NEURL4: variants seen among roughly 807,000 people sequenced by gnomAD.
The protein encoded by NEURL4 is neuralized E3 ubiquitin protein ligase 4, also known as neuralized-like protein 4.
A neutral mutation model predicts 148.0 loss-of-function variants in NEURL4; 45 were observed. The ratio of observed to expected loss-of-function variants is 0.30; its 90% CI spans 0.24 to 0.39. The LOEUF is 0.39. Ranked by LOEUF, NEURL4 falls within the 10% of genes least tolerant of loss-of-function variation. The pLI is 1.00. For missense variants in NEURL4, 1,776 were observed against 2,144.0 expected, an observed-to-expected ratio of 0.83 and a Z score of 3.39; for synonymous variants, 854 against 869.0, an observed-to-expected ratio of 0.98 and a Z score of 0.30.
Position 7,321,696 on chromosome 17 carries a change from C to T in NEURL4, c.2963G>A (p.Gly988Asp). 6.2e-7 allele frequency: 1 copy of T among 1,613,780 alleles called. No individual in the cohort carries two copies. Among genetic ancestry groups the T allele is most frequent in the African/African-American group, 1.3e-5 (1 of 75,066 alleles). ...AGGAGGCAGCCCTGGGCCACCACCG[C>T]CTGCCCCGGGTCCCATCTCCCCCGG... ...LAPGEMGPGA[G>D]GGGPGLPPSL... Residue 988 changes from glycine (G) to aspartate (D), a missense_variant, in exon 18 of 29, where the codon GGC (glycine) becomes GAC (aspartate). Transcript: ENST00000399464. This position sits in a 1 kb window ranked among gnomAD's most constrained non-coding sequence, Gnocchi z 6.3.
At position 7,321,706 on chromosome 17, in the gene NEURL4, G is replaced by T. The variant is rs2073036506; in HGVS notation, c.2953C>A (p.Pro985Thr). 12 of 1,613,698 alleles carry T rather than the reference G, an allele frequency of 7.4e-6. No individual in the cohort carries two copies. Among genetic ancestry groups the T allele is most frequent in the Non-Finnish European group, 1.0e-5 (12 of 1,180,034 alleles). ...LTTLAPGEMGPGAGGGGPGLP... is the reference protein window; with the variant it reads ...LTTLAPGEMGTGAGGGGPGLP... The stretch of plus-strand genomic sequence containing the variant: ...CCTGGGCCACCACCGCCTGCCCCGG[G>T]TCCCATCTCCCCCGGTGCTAGTGTG... Residue 985 changes from proline (P) to threonine (T), a missense_variant, in exon 18 of 29, where the codon CCC becomes ACC. Pro to Thr is a conservative substitution (Grantham distance 38). Coordinates refer to ENST00000399464, the MANE Select transcript of NEURL4 (RefSeq NM_032442.3). The surrounding 1 kb of genome is among the most constrained non-coding windows in gnomAD (Gnocchi z 6.3).
rs1157838634 is a variant in NEURL4 at position 7,322,392 on chromosome 17, G to A, written c.2725+343C>T. On this transcript the variant is annotated intron_variant, in intron 16 of 28. Coordinates refer to ENST00000399464, the MANE Select transcript of NEURL4 (RefSeq NM_032442.3). The surrounding 1 kb of genome is among the most constrained non-coding windows in gnomAD (Gnocchi z 5.5). The stretch of plus-strand genomic sequence containing the variant: ...AGGCTGGTCTCAAACTCTTGTGCTC[G>A]AGAGATCCACCTGCCTTGAACTCCC... Among the ~76,000 whole-genome samples, 1 of 152,108 alleles carries A rather than the reference G, an allele frequency of 6.6e-6. No individual in the cohort carries two copies. Among genetic ancestry groups the A allele is most frequent in the Non-Finnish European group, 1.5e-5 (1 of 68,014 alleles).
chr17:7,320,917 T>G lies in NEURL4; in HGVS notation c.3367A>C (p.Asn1123His). 1.9e-6 allele frequency: 3 copies of G among 1,613,960 alleles called. No individual in the cohort carries two copies. The highest frequency in any genetic ancestry group is 2.5e-6 in the Non-Finnish European group (3 of 1,179,958). The change falls in exon 21 of 29, where the codon AAT becomes CAT. Residue 1123 changes from asparagine (N) to histidine (H), a missense_variant. Transcript: ENST00000399464. ...GTGGTGGGTATAATACCCACTTCAT[T>G]CTGGCCCTGGTGTGGAGGAAGGGAC... The part of the protein sequence containing the change: ...EGEEHGLGGQ[N>H]EVGIIPTTLE...
Position 7,321,438 on chromosome 17 carries a change from G to A in NEURL4, c.3121C>T (p.Arg1041Cys), listed in dbSNP as rs755156042. 3.1e-6 allele frequency: 5 copies of A among 1,613,840 alleles called. No homozygotes were observed. In the South Asian group the frequency reaches 3.3e-5, roughly 11 times the overall value. ...TGCATCGTGTCATCTGCCCCCCGAC[G>A]AACACCCACACGGCTCCCCACCTAG... Reference protein sequence around the residue: ...RLGVGSRVGVRRGADDTMHIL... With the variant: ...RLGVGSRVGVCRGADDTMHIL... Residue 1041 changes from arginine (R) to cysteine (C), a missense_variant, in exon 19 of 29, where the codon CGT (arginine) becomes TGT (cysteine). By Grantham distance (180) the Arg-to-Cys change is radical (BLOSUM62 -3). Coordinates refer to ENST00000399464, the MANE Select transcript of NEURL4 (RefSeq NM_032442.3). This position sits in a 1 kb window ranked among gnomAD's most constrained non-coding sequence, Gnocchi z 6.3.
Position 7,327,292 on chromosome 17 carries a change from C to T in NEURL4, c.728-62G>A. 1 of 1,503,024 alleles carries T rather than the reference C, an allele frequency of 6.7e-7. No individual in the cohort carries two copies. The highest frequency in any genetic ancestry group is 8.9e-7 in the Non-Finnish European group (1 of 1,120,268). 93.1% of individuals were successfully genotyped at this position (1,503,024 alleles called of 1,614,324 possible). On this transcript the variant is annotated intron_variant, in intron 2 of 28. Coordinates refer to ENST00000399464, the MANE Select transcript of NEURL4 (RefSeq NM_032442.3). The surrounding 1 kb of genome is among the most constrained non-coding windows in gnomAD (Gnocchi z 6.6). ...CAGTCCCTGCTTCACGGCCCATAGC[C>T]AGGAGAACCCCCCATCCTCTAGCTC... is the stretch of plus-strand genomic sequence containing the variant.
Position 7,318,615 on chromosome 17 carries a change from C to T in NEURL4, c.3744G>A (p.Leu1248=). The T allele has an allele frequency of 6.2e-7, 1 of 1,614,082 alleles. No individual in the cohort carries two copies. The highest frequency in any genetic ancestry group is 8.5e-7 in the Non-Finnish European group (1 of 1,179,984). The change falls in exon 23 of 29, where the codon CTG becomes CTA. Residue 1248 remains leucine, a synonymous_variant. Transcript: ENST00000399464. The surrounding 1 kb of genome is among the most constrained non-coding windows in gnomAD (Gnocchi z 4.3). ...GCAGCCCCCCAGAGCTGTCCAGCCG[C>T]AGTCCCAGGATGGTGCCTTCAGGGC... ...DTCPEGTILG[L]RLDSSGGLHL...
chr17:7,324,041 C>G lies in NEURL4; in HGVS notation c.2063-29G>C. ...TAAAAGTGGACATCACCCATCAGGT[C>G]TCTAGGTGTCTCTCAGACCTCCCAA... On this transcript the variant is annotated intron_variant, in intron 11 of 28. Coordinates refer to ENST00000399464, the MANE Select transcript of NEURL4 (RefSeq NM_032442.3). This position sits in a 1 kb window ranked among gnomAD's most constrained non-coding sequence, Gnocchi z 5.9. 3 of 1,608,660 alleles carry G rather than the reference C, an allele frequency of 1.9e-6. No homozygotes were observed. The highest frequency in any genetic ancestry group is 2.5e-6 in the Non-Finnish European group (3 of 1,179,878).
chr17:7,327,087 C>G lies in NEURL4; in HGVS notation c.793+78G>C, dbSNP rs2073112427. 1.2e-6 allele frequency: 2 copies of G among 1,600,080 alleles called. No homozygotes were observed. The highest frequency in any genetic ancestry group is 1.7e-6 in the Non-Finnish European group (2 of 1,174,134). On this transcript the variant is annotated intron_variant, in intron 3 of 28. Coordinates refer to ENST00000399464, the MANE Select transcript of NEURL4 (RefSeq NM_032442.3). The surrounding 1 kb of genome is among the most constrained non-coding windows in gnomAD (Gnocchi z 6.6). ...ACCCCCAGACCTGGTGCCTCTCTCC[C>G]TACCCCTTCTCCTGAGGGCCCTCCC...
chr17:7,317,985 G>T (rs767977252), intron 25 of NEURL4, 53 bp from the exon 26 acceptor site: 8 of 1,613,462 alleles, frequency 5.0e-6, no homozygotes, highest in Non-Finnish European at 6.8e-6. Context: ...CTCAACCACA[G>T]TGGCACCCTC....
chr17:7,325,145 G>GGGGGGGGGGGGGGGGCC, intron 8 of NEURL4, 64 bp downstream of exon 8: 3 of 830,664 alleles, frequency 3.6e-6, no homozygotes, highest in Non-Finnish European at 5.4e-6. Flanking sequence ...CCACTTCCTT[G>GGGGGGGGGGGGGGGGCC]CCCCGCCCCC....
intron 8 of NEURL4, 91 bp downstream of exon 8, chr17:7,325,118 C>T: frequency 6.6e-7 from 1 of 1,513,010 alleles, no homozygotes; most frequent in South Asian, 1.2e-5. Flanking sequence ...CTGCCCCCGC[C>T]AGGCTCCCTC....
Position 7,327,690 on chromosome 17 carries a change from C to T in NEURL4, c.477G>A (p.Val159=), listed in dbSNP as rs750122742. Residue 159 remains valine, a synonymous_variant, in exon 2 of 29, where the codon GTG becomes GTA. Coordinates refer to ENST00000399464, the MANE Select transcript of NEURL4 (RefSeq NM_032442.3). The surrounding 1 kb of genome is among the most constrained non-coding windows in gnomAD (Gnocchi z 6.6). The part of the protein sequence containing the change: ...DLDQLGEGDR[V]GVERTVAGEL... ...CCCCAGCAACTGTGCGCTCCACGCC[C>T]ACGCGGTCCCCTTCACCAAGCTGGT... 1 of 1,614,076 alleles carries T rather than the reference C, an allele frequency of 6.2e-7. No homozygotes were observed. The highest frequency in any genetic ancestry group is 8.5e-7 in the Non-Finnish European group (1 of 1,180,032).
chr17:7,317,087 C>G (rs1436694819), intron 28 of NEURL4, 118 bp downstream of exon 28: 1 of 637,996 alleles, frequency 1.6e-6, no homozygotes, highest in Non-Finnish European at 2.5e-6. Context: ...TGGAGACTGG[C>G]AGCTAGCAAG....
rs753609480 is a variant in NEURL4, at chr17:7,318,691, G to C, written c.3685-17C>G. 6.3e-7 allele frequency: 1 copy of C among 1,592,390 alleles called. No individual in the cohort carries two copies. Among genetic ancestry groups the C allele is most frequent in the South Asian group, 1.1e-5 (1 of 88,610 alleles). On this transcript the variant is annotated splice_polypyrimidine_tract_variant and intron_variant, in intron 22 of 28. Transcript: ENST00000399464. This position sits in a 1 kb window ranked among gnomAD's most constrained non-coding sequence, Gnocchi z 4.3. Reference sequence around the variant, plus strand: ...CTCGCAGATCTGGGAGGAGAGACCGGCTGTCTTCCAGAGGTCAGACTCCAC... The same window carrying C: ...CTCGCAGATCTGGGAGGAGAGACCGCCTGTCTTCCAGAGGTCAGACTCCAC...
At position 7,324,372 on chromosome 17, in the gene NEURL4, A is replaced by G. The variant is rs1597636936; in HGVS notation, c.1899+23T>C. On this transcript the variant is annotated intron_variant, in intron 10 of 28. Coordinates refer to ENST00000399464, the MANE Select transcript of NEURL4 (RefSeq NM_032442.3). The surrounding 1 kb of genome is among the most constrained non-coding windows in gnomAD (Gnocchi z 5.9). The stretch of plus-strand genomic sequence containing the variant: ...GTTTGTGATGCCCGCTGCGGCCGCC[A>G]GGCGGCGCACCCACTTTCCCACCTT... The G allele has an allele frequency of 1.2e-6, 2 of 1,614,020 alleles. No individual in the cohort carries two copies. Among genetic ancestry groups the G allele is most frequent in the Non-Finnish European group, 1.7e-6 (2 of 1,179,942 alleles).
At chr17:7,329,005 T>C in intron 1 of NEURL4, 26 bp downstream of exon 1, 1 of 1,531,532 alleles carries the variant, frequency 6.5e-7, no homozygotes, top group South Asian at 1.3e-5. Flanking sequence ...CCTCCACATC[T>C]CTGTTCCGCG....
Position 7,316,159 on chromosome 17 carries a change from G to C in NEURL4, c.4653C>G (p.Ala1551=). 1.3e-6 allele frequency: 2 copies of C among 1,587,836 alleles called. No homozygotes were observed. The highest frequency in any genetic ancestry group is 1.7e-6 in the Non-Finnish European group (2 of 1,156,072). ...ELEWVTKEKG[A]TLLCALLVRV... The stretch of plus-strand genomic sequence containing the variant: ...GTACCAGCAGGGCACAGAGGAGTGT[G>C]GCCCCCTTCTCCTTAGTGACCCACT... Residue 1551 remains alanine, a synonymous_variant, in exon 29 of 29, where the codon GCC becomes GCG. Coordinates refer to ENST00000399464, the MANE Select transcript of NEURL4 (RefSeq NM_032442.3).
At position 7,323,726 on chromosome 17, in the gene NEURL4, G is replaced by A; in HGVS notation, c.2262-3C>T. 1 of 1,614,122 alleles carries A rather than the reference G, an allele frequency of 6.2e-7. No homozygotes were observed. Among genetic ancestry groups the A allele is most frequent in the East Asian group, 2.2e-5 (1 of 44,882 alleles). ...ACAGCTCTCCATCCCGCAGGGCCCT[G>A]CCAGGAGACTGGCGATCAGAGAGGC... On this transcript the variant is annotated splice_region_variant and splice_polypyrimidine_tract_variant and intron_variant, in intron 12 of 28. Coordinates refer to ENST00000399464, the MANE Select transcript of NEURL4 (RefSeq NM_032442.3).
In NEURL4 at chr17:7,321,374, G is replaced by C. The variant is rs1416693586; in HGVS notation, c.3185C>G (p.Thr1062Ser). 3 of 1,614,108 alleles carry C rather than the reference G, an allele frequency of 1.9e-6. No homozygotes were observed. In the South Asian group the frequency reaches 3.3e-5, roughly 18 times the overall value. ...VDGEDMGPAA[T>S]GIAKNVWAVL... ...GTTCAGGTCTACCTTGGCAATGCCA[G>C]TGGCTGCAGGCCCCATATCCTCTCC... Residue 1062 changes from threonine (T) to serine (S), a missense_variant, in exon 19 of 29, where the codon ACT becomes AGT. Thr to Ser is a moderately conservative substitution (Grantham distance 58, BLOSUM62 1). Transcript: ENST00000399464. The surrounding 1 kb of genome is among the most constrained non-coding windows in gnomAD (Gnocchi z 6.3).
Sources: gnomAD v4.1 joint callset for allele counts (sites outside exome capture counted in the v4.1 genomes callset) on GRCh38, gnomAD v4.1.1 for gene constraint, Gnocchi (gnomAD v3.1) non-coding constraint, MANE v1.5 for transcripts, NCBI Gene and HGNC (gene_info 2026-07-23, HGNC 2026-07-21) for gene names.